The following NUP153 variants were observed in gnomAD, a reference collection of about 807,000 sequenced individuals.
The protein encoded by NUP153 is nuclear pore complex protein Nup153.
Under a neutral mutation model 134.6 loss-of-function variants are expected in NUP153, and 27 were observed. The observed-to-expected ratio is 0.20, with a 90% CI of 0.15 to 0.28. The LOEUF is 0.28. NUP153 is among the 10% of genes least tolerant of loss of function. The probability of loss-of-function intolerance (pLI) is 1.00; values close to 1 mark genes in which losing one functional copy is unlikely to be tolerated. For missense variants in NUP153, 1,821 were observed against 1,731.3 expected (o/e 1.05, Z -0.92); for synonymous variants, 640 against 623.5 (o/e 1.03, Z -0.40).
chr6:17,629,123 T>C lies in NUP153; in HGVS notation c.3076A>G (p.Thr1026Ala). 6.2e-7 allele frequency: 1 copy of C among 1,613,956 alleles called. No homozygotes were observed. The highest frequency in any genetic ancestry group is 1.3e-5 in the African/African-American group (1 of 75,022). ...GCAGGGGTGGAGTTAATAACACCTG[T>C]ACCAAAGCTAAAACCTGCAGAGGAA... ...KSSSAGFSFG[T>A]GVINSTPAPA... Residue 1026 changes from threonine to alanine, a missense_variant, in exon 18 of 22, where the codon ACA (threonine) becomes GCA (alanine). Transcript: ENST00000262077.
rs909771107 is a variant in NUP153 at position 17,680,812 on chromosome 6, C to T, written c.335-5042G>A. 2.6e-5 allele frequency among the ~76,000 whole-genome samples: 4 copies of T among 152,176 alleles called. No individual in the cohort carries two copies. Among genetic ancestry groups the T allele is most frequent in the Non-Finnish European group, 5.9e-5 (4 of 68,034 alleles). On this transcript the variant is annotated intron_variant, in intron 2 of 21. Transcript: ENST00000262077. The surrounding 1 kb of genome is among the most constrained non-coding windows in gnomAD (Gnocchi z 4.5). ...ATGTAGAGAAAGGAGAATCCTTGTA[C>T]ACTGTTGTTGGTGGGAATTATCAAT...
intron 13 of NUP153, 90 bp downstream of exon 13, chr6:17,647,717 T>A: frequency 2.4e-6 from 2 of 849,068 alleles, no homozygotes; most frequent in Non-Finnish European, 3.8e-6. Context: ...ATAACAGTGT[T>A]TCTCACCACC....
chr6:17,691,998 T>A (rs1172685611), intron 1 of NUP153, among the ~76,000 whole-genome samples: 3 of 152,130 alleles, frequency 2.0e-5, no homozygotes, highest in Non-Finnish European at 4.4e-5. Context: ...GATTTAAAAA[T>A]TTTTTGGGGG....
intron 8 of NUP153, 102 bp downstream of exon 8, chr6:17,668,873 T>G (rs1257753138): frequency 7.9e-6 from 6 of 759,062 alleles, no homozygotes; most frequent in Non-Finnish European, 2.2e-6. Flanking sequence ...TTTTCAAACA[T>G]GTTCCCTAAT....
rs548306523 is a variant in NUP153 at position 17,693,565 on chromosome 6, A to C, written c.112-4947T>G. The stretch of plus-strand genomic sequence containing the variant: ...TGTATTTATTCCATTAACCACCAGC[A>C]TATCTCTAAGTAGACCCTTCTTAAA... On this transcript the variant is annotated intron_variant, in intron 1 of 21. Coordinates refer to ENST00000262077, the MANE Select transcript of NUP153 (RefSeq NM_005124.4). Among the ~76,000 whole-genome samples, 27 of 152,284 alleles carry C rather than the reference A, an allele frequency of 1.8e-4. No homozygotes were observed. In the East Asian group the frequency reaches 5.0e-3, roughly 28 times the overall value.
Position 17,682,491 on chromosome 6 carries a change from A to T in NUP153, c.334+5905T>A, listed in dbSNP as rs11753865. Among the ~76,000 whole-genome samples, 3 of 152,118 alleles carry T rather than the reference A, an allele frequency of 2.0e-5. No individual in the cohort carries two copies. In the South Asian group the frequency reaches 6.2e-4, roughly 32 times the overall value. On this transcript the variant is annotated intron_variant, in intron 2 of 21. Coordinates refer to ENST00000262077, the MANE Select transcript of NUP153 (RefSeq NM_005124.4). ...ATGTTTTTGATAGCATTCTAACTGC[A>T]GAATTTTCAAAATGGGAGTCAATCC... is the stretch of plus-strand genomic sequence containing the variant.
chr6:17,616,670 G>T lies in NUP153; in HGVS notation c.4200C>A (p.Ser1400Arg). 1.2e-6 allele frequency: 2 copies of T among 1,613,268 alleles called. No individual in the cohort carries two copies. The highest frequency in any genetic ancestry group is 1.7e-6 in the Non-Finnish European group (2 of 1,179,480). The change falls in exon 21 of 22, where the codon AGC becomes AGA. Residue 1400 changes from serine (S) to arginine (R), a missense_variant. Physicochemically the swap from Ser to Arg is moderately radical, Grantham distance 110. Transcript: ENST00000262077. ...TGTTTGTGAAGTTGAAATTTGTAGT[G>T]CTGCTGCCAAACTGGAAAGCCGAAC... The part of the protein sequence containing the change: ...NSSSAFQFGS[S>R]TTNFNFTNNS...
chr6:17,706,922 GA>G lies in NUP153; in HGVS notation c.-536del, dbSNP rs1770545442. 1 of 155,946 alleles carries G rather than the reference GA, an allele frequency of 6.4e-6. No individual in the cohort carries two copies. Among genetic ancestry groups the G allele is most frequent in the African/African-American group, 2.4e-5 (1 of 41,484 alleles). The allele number at this position is 155,946 out of a possible 1,614,324, so 9.7% of individuals were successfully genotyped here. On this transcript the variant is annotated 5_prime_UTR_variant, in exon 1 of 22. Coordinates refer to ENST00000262077, the MANE Select transcript of NUP153 (RefSeq NM_005124.4). The surrounding 1 kb of genome is among the most constrained non-coding windows in gnomAD (Gnocchi z 5.9). ...AGGCGGCTGCCGCGGTCGCGAGCCA[GA>G]ATGTCGTCACTCATCGGCGCCCGAC...
intron 1 of NUP153, among the ~76,000 whole-genome samples, chr6:17,698,779 G>C (rs1284505766): frequency 6.8e-6 from 1 of 147,980 alleles, no homozygotes; most frequent in Non-Finnish European, 1.5e-5. Context: ...TGAAGCAGGA[G>C]AATCACTTGA....
At chr6:17,702,678 A>G (rs1770196407) in intron 1 of NUP153, among the ~76,000 whole-genome samples, 1 of 151,982 alleles carries the variant, frequency 6.6e-6, no homozygotes, top group Non-Finnish European at 1.5e-5. Flanking sequence ...CTCCGTCTCA[A>G]AAAAAGAAAG....
chr6:17,668,226 C>A (rs1033036911), intron 8 of NUP153, among the ~76,000 whole-genome samples: 1 of 151,728 alleles, frequency 6.6e-6, no homozygotes, highest in Non-Finnish European at 1.5e-5. Context: ...CAGGTGCGCA[C>A]CGCCACACCT....
chr6:17,662,174 T>C (rs1245918549), intron 9 of NUP153, 104 bp from the exon 10 acceptor site: 1 of 1,065,334 alleles, frequency 9.4e-7, no homozygotes, highest in Admixed American at 2.2e-5. Flanking sequence ...AGGAATTTGA[T>C]GGCTTTTTAG....
At chr6:17,656,752 G>C (rs762009802) in intron 11 of NUP153, among the ~76,000 whole-genome samples, 1 of 152,182 alleles carries the variant, frequency 6.6e-6, no homozygotes, top group African/African-American at 2.4e-5. Context: ...ATTAGGAAAG[G>C]TTTAGGGGGT....
At position 17,665,191 on chromosome 6, in the gene NUP153, T is replaced by G. The variant is rs774583396; in HGVS notation, c.1215+48A>C. The stretch of plus-strand genomic sequence containing the variant: ...TATATTTTACATTATTTAGTCTTAC[T>G]TATTCTAATCAATATTCAAAGACTG... On this transcript the variant is annotated intron_variant, in intron 9 of 21. Transcript: ENST00000262077. 3.5e-6 allele frequency: 5 copies of G among 1,417,598 alleles called. No homozygotes were observed. In the East Asian group the frequency reaches 1.1e-4, roughly 32 times the overall value. 87.8% of individuals were successfully genotyped at this position (1,417,598 alleles called of 1,614,324 possible). A position where few individuals can be genotyped will look rare whatever the true frequency, so the allele number is the denominator to read the frequency against.
intron 21 of NUP153, 101 bp from the exon 22 acceptor site, chr6:17,616,282 T>TGGGGGGGTTGGGGG: frequency 3.0e-6 from 1 of 332,090 alleles, no homozygotes; most frequent in Non-Finnish European, 5.4e-6. Context: ...GGGGGTCGGG[T>TGGGGGGGTTGGGGG]GGGGGGGGAG....
intron 17 of NUP153, among the ~76,000 whole-genome samples, chr6:17,630,014 G>A (rs1165458853): frequency 1.3e-5 from 2 of 152,190 alleles, no homozygotes; most frequent in Non-Finnish European, 2.9e-5. Context: ...AACGAAGAAG[G>A]AAGAACAAAG....
Position 17,637,142 on chromosome 6 carries a change from CA to C in NUP153, c.2464+10del. On this transcript the variant is annotated intron_variant, in intron 16 of 21. Transcript: ENST00000262077. ...AATAAGCAAAATTACTCCATAAAGCCAAAAACATACCTGGTTTCTCAGACAT... is the reference window on the plus strand; with the variant it reads ...AATAAGCAAAATTACTCCATAAAGCCAAAACATACCTGGTTTCTCAGACAT... The C allele has an allele frequency of 6.3e-7, 1 of 1,592,846 alleles. No homozygotes were observed. Among genetic ancestry groups the C allele is most frequent in the Middle Eastern group, 1.7e-4 (1 of 5,942 alleles).
intron 16 of NUP153, among the ~76,000 whole-genome samples, chr6:17,633,540 GA>G (rs1765368068): frequency 6.6e-6 from 1 of 152,136 alleles, no homozygotes. Context: ...CTTAAAGGGG[GA>G]AAATAAAAGC....
chr6:17,631,022 C>T (rs897302034), intron 17 of NUP153, among the ~76,000 whole-genome samples: 2 of 152,176 alleles, frequency 1.3e-5, no homozygotes, highest in Admixed American at 6.5e-5. Context: ...CATGAATTAA[C>T]AGCTACAGAA....
Sources: allele counts gnomAD v4.1 joint callset (sites outside exome capture counted in the v4.1 genomes callset), GRCh38; gene constraint gnomAD v4.1.1; non-coding constraint Gnocchi (gnomAD v3.1); transcripts MANE v1.5; gene names NCBI Gene and HGNC (gene_info 2026-07-23, HGNC 2026-07-21).